Variants in GNAL observed in about 807,000 individuals in gnomAD.
GNAL encodes G protein subunit alpha L.
A neutral mutation model predicts 55.1 loss-of-function variants in GNAL; 18 were observed. The ratio of observed to expected loss-of-function variants is 0.33; its 90% CI spans 0.23 to 0.48. GNAL has a LOEUF of 0.48. GNAL is among the 20% of genes least tolerant of loss of function. The probability of loss-of-function intolerance (pLI) is 0.99; values close to 1 mark genes in which losing one functional copy is unlikely to be tolerated. For missense variants in GNAL, 412 were observed against 614.1 expected (o/e 0.67, Z 3.48); for synonymous variants, 253 against 237.0 (o/e 1.07, Z -0.62).
At chr18:11,826,049 A>C (rs2035235458) in intron 5 of GNAL, among the ~76,000 whole-genome samples, 1 of 152,186 alleles carries the variant, frequency 6.6e-6, no homozygotes, top group South Asian at 2.1e-4. Context: ...AAAATCTGGG[A>C]ATTCATAGTA....
intron 4 of GNAL, among the ~76,000 whole-genome samples, chr18:11,812,173 T>A (rs1289598014): frequency 6.6e-6 from 1 of 152,246 alleles, no homozygotes; most frequent in Non-Finnish European, 1.5e-5. Flanking sequence ...GAGACTCGAT[T>A]TATTTAATTC....
chr18:11,862,423 T>C lies in GNAL; in HGVS notation c.751T>C (p.Leu251=). Residue 251 remains leucine, a synonymous_variant, in exon 6 of 12, where the codon TTG becomes CTG. Transcript: ENST00000334049. The part of the protein sequence containing the change: ...YFLERIDSVS[L]VDYTPTDQDL... ...CCTGGAAAGAATCGACAGCGTCAGC[T>C]TGGTTGACTACACACCCACAGACCA... 6.2e-7 allele frequency: 1 copy of C among 1,613,714 alleles called. No individual in the cohort carries two copies. The highest frequency in any genetic ancestry group is 8.5e-7 in the Non-Finnish European group (1 of 1,179,660).
chr18:11,780,907 C>A (rs1278483362), intron 4 of GNAL, among the ~76,000 whole-genome samples: 1 of 152,114 alleles, frequency 6.6e-6, no homozygotes, highest in East Asian at 1.9e-4. Context: ...TCACTCCAAC[C>A]CTAGGAGTCC....
chr18:11,857,448 C>A, intron 5 of GNAL: 1 of 981,736 alleles, frequency 1.0e-6, no homozygotes. Flanking sequence ...TTAAAAGAGA[C>A]TGAAGGGGAG....
rs550923231 is a variant in GNAL, at chr18:11,881,712, T to C, written c.*577T>C. On this transcript the variant is annotated 3_prime_UTR_variant, in exon 12 of 12. Transcript: ENST00000334049. The surrounding 1 kb of genome is among the most constrained non-coding windows in gnomAD (Gnocchi z 4.8). ...TGAATTAGAGCTACTTTGAGCCTCT[T>C]AGGCAGAAAACCTACCACATTCACT... 6.5e-6 allele frequency: 1 copy of C among 152,806 alleles called. No individual in the cohort carries two copies. Among genetic ancestry groups the C allele is most frequent in the African/African-American group, 2.4e-5 (1 of 41,578 alleles). The allele number at this position is 152,806 out of a possible 1,614,324, so 9.5% of individuals were successfully genotyped here.
chr18:11,858,080 G>T (rs1392551153), intron 5 of GNAL, among the ~76,000 whole-genome samples: 1 of 152,064 alleles, frequency 6.6e-6, no homozygotes, highest in Non-Finnish European at 1.5e-5. Context: ...ATCTTTTCAT[G>T]ACTCTCCTTG....
intron 4 of GNAL, among the ~76,000 whole-genome samples, chr18:11,815,512 CTT>C (rs1316717905): frequency 1.3e-5 from 2 of 152,088 alleles, no homozygotes; most frequent in Non-Finnish European, 2.9e-5. Flanking sequence ...ATGCTACACA[CTT>C]TTAAACAAGC....
intron 5 of GNAL, among the ~76,000 whole-genome samples, chr18:11,831,982 G>A (rs570643870): frequency 3.3e-5 from 5 of 152,200 alleles, no homozygotes; most frequent in Non-Finnish European, 7.3e-5. Flanking sequence ...TTGAAGCATT[G>A]AGCAAGCTGT....
At chr18:11,860,288 G>T (rs1368089008) in intron 5 of GNAL, among the ~76,000 whole-genome samples, 3 of 152,184 alleles carry the variant, frequency 2.0e-5, no homozygotes, top group Non-Finnish European at 4.4e-5. Context: ...ATGGGTGAAG[G>T]CTGCCAAAAT....
intron 1 of GNAL, among the ~76,000 whole-genome samples, chr18:11,727,585 A>G (rs2032242579): frequency 6.6e-6 from 1 of 152,230 alleles, no homozygotes; most frequent in Non-Finnish European, 1.5e-5. Context: ...CAAAGGCAGA[A>G]TGTCGGATGT....
chr18:11,862,511 T>C, intron 6 of GNAL, 62 bp downstream of exon 6: 1 of 1,271,250 alleles, frequency 7.9e-7, no homozygotes, highest in South Asian at 1.2e-5. Context: ...TCCAATATGA[T>C]TTAATGATTA....
intron 5 of GNAL, among the ~76,000 whole-genome samples, chr18:11,836,746 T>G (rs1330610195): frequency 6.8e-6 from 1 of 147,750 alleles, no homozygotes; most frequent in African/African-American, 2.5e-5. Context: ...GAGACTACTT[T>G]AGATTAAAAG....
intron 1 of GNAL, among the ~76,000 whole-genome samples, chr18:11,690,585 A>G (rs1407343213): frequency 6.8e-6 from 1 of 146,988 alleles, no homozygotes; most frequent in South Asian, 2.2e-4. Context: ...CATTAGGTAT[A>G]TCTCCTAAAG....
chr18:11,776,847 G>T (rs536760865), intron 4 of GNAL, among the ~76,000 whole-genome samples: 63 of 151,902 alleles, frequency 4.1e-4, no homozygotes, highest in Admixed American at 9.2e-4. Context: ...TTACTGGATT[G>T]TGTGCTGCGG....
intron 11 of GNAL, among the ~76,000 whole-genome samples, chr18:11,880,750 CG>C (rs1248623067): frequency 6.6e-6 from 1 of 152,112 alleles, no homozygotes; most frequent in Non-Finnish European, 1.5e-5. Flanking sequence ...ACTTGCCTGC[CG>C]GGGCTTTCTC....
At position 11,752,428 on chromosome 18, in the gene GNAL, G is replaced by A; in HGVS notation, c.377-425G>A. On this transcript the variant is annotated intron_variant, in intron 1 of 11. Coordinates refer to ENST00000334049, the MANE Select transcript of GNAL (RefSeq NM_182978.4). This position sits in a 1 kb window ranked among gnomAD's most constrained non-coding sequence, Gnocchi z 4.5. Reference sequence around the variant, plus strand: ...AACTTCCTGACGTCCATCCCAGCGGGCAGGCATGGGGTGTTTGGGCGGCAA... The same window carrying A: ...AACTTCCTGACGTCCATCCCAGCGGACAGGCATGGGGTGTTTGGGCGGCAA... 1.2e-6 allele frequency: 2 copies of A among 1,601,836 alleles called. No homozygotes were observed. Among genetic ancestry groups the A allele is most frequent in the East Asian group, 2.3e-5 (1 of 43,110 alleles).
chr18:11,794,080 A>AAC (rs1387886048), intron 4 of GNAL, among the ~76,000 whole-genome samples: 6 of 152,194 alleles, frequency 3.9e-5, no homozygotes, highest in South Asian at 2.1e-4. Flanking sequence ...TTCTATAATT[A>AAC]ACACACACAC....
At chr18:11,797,050 G>A (rs2034409085) in intron 4 of GNAL, among the ~76,000 whole-genome samples, 1 of 152,084 alleles carries the variant, frequency 6.6e-6, no homozygotes, top group South Asian at 2.1e-4. Context: ...TGCCACGCGG[G>A]CTCAAGCCTC....
intron 6 of GNAL, among the ~76,000 whole-genome samples, chr18:11,863,766 G>A (rs1487875679): frequency 6.6e-6 from 1 of 152,166 alleles, no homozygotes; most frequent in Non-Finnish European, 1.5e-5. Flanking sequence ...AAACAGAAAT[G>A]TGCAGGGAAG....
Sources: gnomAD v4.1 joint callset for allele counts (sites outside exome capture counted in the v4.1 genomes callset) on GRCh38, gnomAD v4.1.1 for gene constraint, Gnocchi (gnomAD v3.1) non-coding constraint, MANE v1.5 for transcripts, NCBI Gene and HGNC (gene_info 2026-07-23, HGNC 2026-07-21) for gene names.